VTI1A: variants seen among roughly 807,000 people sequenced by gnomAD.
VTI1A encodes vesicle transport through interaction with t-SNAREs 1A.
VTI1A carries 22 observed loss-of-function variants against 34.9 expected under a neutral mutation model. That is an observed-to-expected ratio of 0.63 (90% CI 0.45 to 0.90). The LOEUF is 0.90. Among genes scored for constraint, VTI1A ranks in the 40% least tolerant of loss-of-function variants. The pLI, the probability that VTI1A is intolerant of heterozygous loss-of-function variation, is 0.00. For missense variants in VTI1A, 268 were observed against 275.6 expected (o/e 0.97, Z 0.20); for synonymous variants, 87 against 97.3 (o/e 0.89, Z 0.62).
At chr10:112,687,529 G>T (rs188069731) in intron 7 of VTI1A, among the ~76,000 whole-genome samples, 1 of 151,818 alleles carries the variant, frequency 6.6e-6, no homozygotes, top group East Asian at 1.9e-4. Context: ...CACTGCGCCC[G>T]GCAACTTTTT....
intron 3 of VTI1A, among the ~76,000 whole-genome samples, chr10:112,500,955 A>G (rs1849213537): frequency 6.6e-6 from 1 of 152,184 alleles, no homozygotes; most frequent in Non-Finnish European, 1.5e-5. Context: ...TTCTTTGTAA[A>G]GCTGTTCTTG....
chr10:112,819,230 ACT>A (rs1853605750), downstream of VTI1A, among the ~76,000 whole-genome samples: 1 of 152,170 alleles, frequency 6.6e-6, no homozygotes, highest in Non-Finnish European at 1.5e-5. Flanking sequence ...TGGAGAATTA[ACT>A]AGGAGTGATG....
chr10:112,810,709 G>C, intron 7 of VTI1A, among the ~76,000 whole-genome samples: 1 of 152,206 alleles, frequency 6.6e-6, no homozygotes. Context: ...CTGTACCCCT[G>C]GAGCTGGGGT....
At position 112,689,295 on chromosome 10, in the gene VTI1A, G is replaced by A. The variant is rs140589678; in HGVS notation, c.560+20297G>A. ...GCTCCATGCATTGTCTTCATCAGAT[G>A]TCAGTGCTTGGAAATGTCATCAGTA... On this transcript the variant is annotated intron_variant, in intron 7 of 7. Transcript: ENST00000393077. 1.9e-3 allele frequency among the ~76,000 whole-genome samples: 292 copies of A among 152,314 alleles called. 2 individuals carry two copies. The highest frequency in any genetic ancestry group is 6.9e-3 in the African/African-American group (285 of 41,572).
intron 3 of VTI1A, among the ~76,000 whole-genome samples, chr10:112,515,317 A>G (rs1849739177): frequency 6.6e-6 from 1 of 152,046 alleles, no homozygotes; most frequent in Non-Finnish European, 1.5e-5. Context: ...GAGGAAATTA[A>G]TTTTTTTAGA....
At chr10:112,488,501 C>T (rs1172918989) in intron 3 of VTI1A, among the ~76,000 whole-genome samples, 1 of 152,172 alleles carries the variant, frequency 6.6e-6, no homozygotes, top group Non-Finnish European at 1.5e-5. Flanking sequence ...TCAGCCAGAA[C>T]CAGACCCAAA....
At chr10:112,612,132 A>G (rs567909471) in intron 5 of VTI1A, among the ~76,000 whole-genome samples, 1 of 152,250 alleles carries the variant, frequency 6.6e-6, no homozygotes, top group South Asian at 2.1e-4. Flanking sequence ...ATTTTATCGT[A>G]AGTTTGAAAA....
At chr10:112,631,041 G>A (rs1006803845) in intron 5 of VTI1A, among the ~76,000 whole-genome samples, 2 of 152,090 alleles carry the variant, frequency 1.3e-5, no homozygotes, top group African/African-American at 4.8e-5. Flanking sequence ...AGAATCGCTT[G>A]AACCCGGGAG....
intron 4 of VTI1A, among the ~76,000 whole-genome samples, chr10:112,536,295 T>C (rs1303807820): frequency 5.9e-5 from 9 of 152,224 alleles, no homozygotes; most frequent in Admixed American, 3.9e-4. Flanking sequence ...CTGATTGATA[T>C]CTTTTTAGAG....
chr10:112,831,728 T>C, the VTI1A span: 1 of 152,210 alleles, frequency 6.6e-6, no homozygotes, highest in African/African-American at 2.4e-5. Flanking sequence ...GGATAACCTA[T>C]TTTCTCATTT....
chr10:112,665,407 C>CA (rs1435165039), intron 5 of VTI1A, among the ~76,000 whole-genome samples: 3 of 151,806 alleles, frequency 2.0e-5, no homozygotes, highest in African/African-American at 7.3e-5. Context: ...TATATTAGAG[C>CA]ATTAAAATGG....
chr10:112,647,322 A>G (rs10749125), intron 5 of VTI1A, among the ~76,000 whole-genome samples: 113,587 of 152,092 alleles, frequency 0.75, 42,907 homozygotes, highest in Non-Finnish European at 0.82. Flanking sequence ...AGACCTGTAG[A>G]GTGGGGAAGA....
chr10:112,571,024 A>G (rs141374416), intron 5 of VTI1A, among the ~76,000 whole-genome samples: 1,596 of 152,344 alleles, frequency 0.01, 18 homozygotes, highest in Admixed American at 0.015. Context: ...AGCATCTTCT[A>G]TGTGTTGCAT....
At chr10:112,670,682 A>G (rs1212365821) in intron 7 of VTI1A, among the ~76,000 whole-genome samples, 1 of 152,210 alleles carries the variant, frequency 6.6e-6, no homozygotes, top group African/African-American at 2.4e-5. Flanking sequence ...TTCTGTAGGG[A>G]AATCATAATA....
At chr10:112,559,048 C>T (rs977270081) in intron 5 of VTI1A, among the ~76,000 whole-genome samples, 2 of 152,156 alleles carry the variant, frequency 1.3e-5, no homozygotes, top group Non-Finnish European at 2.9e-5. Context: ...CGCTTAAGTG[C>T]TCCCGTAACT....
At chr10:112,497,913 GAT>G (rs1849085645) in intron 3 of VTI1A, among the ~76,000 whole-genome samples, 1 of 152,154 alleles carries the variant, frequency 6.6e-6, no homozygotes, top group East Asian at 1.9e-4. Flanking sequence ...AAGAATGAAA[GAT>G]ATTTGATTAA....
intron 5 of VTI1A, among the ~76,000 whole-genome samples, chr10:112,539,284 G>A (rs1005798747): frequency 2.6e-5 from 4 of 152,210 alleles, no homozygotes; most frequent in Admixed American, 2.6e-4. Flanking sequence ...CAGGTATGAT[G>A]AAAATGATTC....
chr10:112,753,908 A>G (rs901429117), intron 7 of VTI1A, among the ~76,000 whole-genome samples: 1 of 152,216 alleles, frequency 6.6e-6, no homozygotes, highest in Non-Finnish European at 1.5e-5. Context: ...GAGAATTTCC[A>G]AGCATCCTTT....
intron 3 of VTI1A, among the ~76,000 whole-genome samples, chr10:112,470,564 G>A (rs960243411): frequency 2.5e-4 from 38 of 152,212 alleles, no homozygotes; most frequent in African/African-American, 8.9e-4. Flanking sequence ...ATGGGAGCCT[G>A]TGGAAAAGCT....
Sources: allele counts gnomAD v4.1 joint callset (sites outside exome capture counted in the v4.1 genomes callset), GRCh38; gene constraint gnomAD v4.1.1; transcripts MANE v1.5; gene names NCBI Gene and HGNC (gene_info 2026-07-23, HGNC 2026-07-21).